The following PLAGL1 variants were observed in gnomAD, a reference collection of about 807,000 sequenced individuals.
PLAGL1 encodes the protein PLAG1 like zinc finger 1.
Under a neutral mutation model 4.6 loss-of-function variants are expected in PLAGL1, and 1 was observed. The observed-to-expected ratio is 0.22, with a 90% CI of 0.08 to 1.03. The LOEUF (loss-of-function observed/expected upper bound fraction) is 1.03. PLAGL1 is among the 50% of genes least tolerant of loss of function. The pLI, the probability that PLAGL1 is intolerant of heterozygous loss-of-function variation, is 0.58. For synonymous variants in PLAGL1, 240 were observed against 237.8 expected (o/e 1.01, Z -0.08); for missense variants, 464 against 570.4 (o/e 0.81, Z 1.90).
rs1301244086 is a variant in PLAGL1, at chr6:143,983,871, GA to G, written c.-544+1263del. Among the ~76,000 whole-genome samples, 1 of 152,056 alleles carries G rather than the reference GA, an allele frequency of 6.6e-6. No homozygotes were observed. The highest frequency in any genetic ancestry group is 2.4e-5 in the African/African-American group (1 of 41,402). On this transcript the variant is annotated intron_variant, in intron 2 of 7. Transcript: ENST00000674357. The surrounding 1 kb of genome is among the most constrained non-coding windows in gnomAD (Gnocchi z 6.6). ...CTAGGCCCACAGTATGACTATGGGAGAAAGTTGCTAATGTGGTTTGGAAGAC... is the reference window on the plus strand; with the variant it reads ...CTAGGCCCACAGTATGACTATGGGAGAAGTTGCTAATGTGGTTTGGAAGAC...
upstream of PLAGL1, among the ~76,000 whole-genome samples, chr6:144,013,323 C>T (rs1278776122): frequency 6.6e-6 from 1 of 152,042 alleles, no homozygotes; most frequent in Non-Finnish European, 1.5e-5. This position sits in a 1 kb window ranked among gnomAD's most constrained non-coding sequence, Gnocchi z 4.4. Flanking sequence ...CATGGGCAGA[C>T]AATCATACAG....
At position 143,947,817 on chromosome 6, in the gene PLAGL1, G is replaced by A. The variant is rs2076683; in HGVS notation, c.152+168C>T. 3.3e-5 allele frequency among the ~76,000 whole-genome samples: 5 copies of A among 151,970 alleles called. No homozygotes were observed. The highest frequency in any genetic ancestry group is 1.2e-4 in the African/African-American group (5 of 41,354). On this transcript the variant is annotated intron_variant, in intron 7 of 7. Transcript: ENST00000674357. The surrounding 1 kb of genome is among the most constrained non-coding windows in gnomAD (Gnocchi z 4.3). ...ATGAACTGACACTGCACAACAAGAC[G>A]GTCACATAAAACCACAGGAATCACT...
rs1017590949 is a variant in PLAGL1 at position 143,990,152 on chromosome 6, C to T, written c.-583-4978G>A. Among the ~76,000 whole-genome samples the T allele has an allele frequency of 9.3e-5, 14 of 151,296 alleles. No homozygotes were observed. The highest frequency in any genetic ancestry group is 5.9e-4 in the Admixed American group (9 of 15,208). On this transcript the variant is annotated intron_variant, in intron 1 of 7. Coordinates refer to ENST00000674357, the MANE Select transcript of PLAGL1 (RefSeq NM_001317162.2). This position sits in a 1 kb window ranked among gnomAD's most constrained non-coding sequence, Gnocchi z 5.4. ...TTTTTTCTTTTTTGAGATGGAGTCT[C>T]GCTCTGTTGCCAGACTGGAGTGCAG...
chr6:144,040,663 G>C (rs188592023), intron 1 of PLAGL1, among the ~76,000 whole-genome samples: 2 of 152,312 alleles, frequency 1.3e-5, no homozygotes, highest in Non-Finnish European at 2.9e-5. Context: ...GATCACTTGA[G>C]GCCAGGAGTT....
intron 1 of PLAGL1, among the ~76,000 whole-genome samples, chr6:143,996,015 C>A (rs558893852): frequency 2.6e-4 from 39 of 152,254 alleles, no homozygotes; most frequent in Admixed American, 1.7e-3. Flanking sequence ...ACGGTTTAAC[C>A]TGGTCACCCT....
rs1783557249 is a variant in PLAGL1, at chr6:143,962,346, T to C, written c.-398-1804A>G. On this transcript the variant is annotated intron_variant, in intron 5 of 7. Transcript: ENST00000674357. This position sits in a 1 kb window ranked among gnomAD's most constrained non-coding sequence, Gnocchi z 5.3. ...AAAAAGGGTTTTCATACGTCAATTA[T>C]TCTTTTTTAAGTATGTGGTTAAAAA... Among the ~76,000 whole-genome samples the C allele has an allele frequency of 6.6e-6, 1 of 152,262 alleles. No individual in the cohort carries two copies. The highest frequency in any genetic ancestry group is 2.1e-4 in the South Asian group (1 of 4,836).
chr6:143,981,508 C>T (rs1455865701), intron 2 of PLAGL1, among the ~76,000 whole-genome samples: 2 of 152,288 alleles, frequency 1.3e-5, no homozygotes, highest in Non-Finnish European at 2.9e-5. Flanking sequence ...ATCATCTCAA[C>T]CTAGGATAAG....
intron 1 of PLAGL1, among the ~76,000 whole-genome samples, chr6:143,996,605 T>C (rs1791666314): frequency 2.1e-5 from 3 of 143,968 alleles, no homozygotes; most frequent in Admixed American, 7.0e-5. Context: ...CAGAGTCTTA[T>C]TTATTCCCTT....
chr6:143,976,412 G>A (rs913488456), intron 2 of PLAGL1, among the ~76,000 whole-genome samples: 5 of 150,212 alleles, frequency 3.3e-5, no homozygotes, highest in Non-Finnish European at 7.4e-5. Context: ...TTCATCCAAG[G>A]CCTTGATATT....
At chr6:144,030,281 A>AAAAAAGAAG (rs1296064916) in intron 1 of PLAGL1, among the ~76,000 whole-genome samples, 2 of 132,900 alleles carry the variant, frequency 1.5e-5, no homozygotes, top group African/African-American at 6.3e-5. Context: ...AAAAAAAAAA[A>AAAAAAGAAG]AAGAAGATGT....
rs571302089 is a variant in PLAGL1 at position 143,956,013 on chromosome 6, C to T, written c.-325+4456G>A. Among the ~76,000 whole-genome samples the T allele has an allele frequency of 2.4e-3, 366 of 152,280 alleles. 4 individuals are homozygous for T. Among genetic ancestry groups the T allele is most frequent in the Non-Finnish European group, 3.8e-3 (259 of 68,032 alleles). On this transcript the variant is annotated intron_variant, in intron 6 of 7. Coordinates refer to ENST00000674357, the MANE Select transcript of PLAGL1 (RefSeq NM_001317162.2). ...TTAGACATGCTGGGCTTAATGGTGC[C>T]TAATGGGCATTCGGGCCAGCAAGGA...
rs191769348 is a variant in PLAGL1, at chr6:143,952,566, C to T, written c.-324-4106G>A. ...ATTTTGGGGATGAGAGAGGATCAGA[C>T]GGGAAGAAGAACATATATATATGGT... On this transcript the variant is annotated intron_variant, in intron 6 of 7. Coordinates refer to ENST00000674357, the MANE Select transcript of PLAGL1 (RefSeq NM_001317162.2). This position sits in a 1 kb window ranked among gnomAD's most constrained non-coding sequence, Gnocchi z 6.1. 1.8e-4 allele frequency among the ~76,000 whole-genome samples: 27 copies of T among 152,122 alleles called. No homozygotes were observed. The highest frequency in any genetic ancestry group is 4.3e-4 in the African/African-American group (18 of 41,478).
rs946523217 is a variant in PLAGL1 at position 143,964,740 on chromosome 6, T to C, written c.-399+47A>G. On this transcript the variant is annotated intron_variant, in intron 5 of 7. Transcript: ENST00000674357. The surrounding 1 kb of genome is among the most constrained non-coding windows in gnomAD (Gnocchi z 4.3). The stretch of plus-strand genomic sequence containing the variant: ...TTATGCTTTAAACCCCTGAGGCAGA[T>C]AGAGAAGGAAGGAAGGAAACAAGGG... 6.6e-6 allele frequency: 1 copy of C among 152,066 alleles called. No individual in the cohort carries two copies. Among genetic ancestry groups the C allele is most frequent in the Non-Finnish European group, 1.5e-5 (1 of 68,068 alleles). 9.4% of individuals were successfully genotyped at this position (152,066 alleles called of 1,614,324 possible). A position where few individuals can be genotyped will look rare whatever the true frequency, so the allele number is the denominator to read the frequency against.
intron 1 of PLAGL1, among the ~76,000 whole-genome samples, chr6:144,023,767 GCT>G (rs1796137125): frequency 2.8e-5 from 3 of 105,978 alleles, no homozygotes; most frequent in South Asian, 3.1e-4. Context: ...CTCATATTTA[GCT>G]TTTTTTTTTT....
At chr6:143,999,496 AT>A (rs1315057979) in intron 1 of PLAGL1, among the ~76,000 whole-genome samples, 2 of 152,180 alleles carry the variant, frequency 1.3e-5, no homozygotes, top group African/African-American at 2.4e-5. Flanking sequence ...TTTAGTGACC[AT>A]TTTCCACAAT....
Position 144,050,971 on chromosome 6 carries a change from A to T in PLAGL1, c.-151+13497T>A, listed in dbSNP as rs1762100139. Reference sequence around the variant, plus strand: ...TTATTACCAATAATATCTTCAGGCAAAATCTGCTGACAAACATTTATAAAT... The same window carrying T: ...TTATTACCAATAATATCTTCAGGCATAATCTGCTGACAAACATTTATAAAT... On this transcript the variant is annotated intron_variant, in intron 1 of 3. Transcript: ENST00000437412. The surrounding 1 kb of genome is among the most constrained non-coding windows in gnomAD (Gnocchi z 4.3). Among the ~76,000 whole-genome samples, 1 of 152,244 alleles carries T rather than the reference A, an allele frequency of 6.6e-6. No individual in the cohort carries two copies. Among genetic ancestry groups the T allele is most frequent in the African/African-American group, 2.4e-5 (1 of 41,458 alleles).
Position 144,059,077 on chromosome 6 carries a change from A to G in PLAGL1, c.-151+5391T>C, listed in dbSNP as rs1799200701. On this transcript the variant is annotated intron_variant, in intron 1 of 3. Transcript: ENST00000437412. This position sits in a 1 kb window ranked among gnomAD's most constrained non-coding sequence, Gnocchi z 4.9. ...TTCTCTTCAGGGTCTCCACCCCTAC[A>G]GCAGGCTTCTGCCTGTACACTCAGG... Among the ~76,000 whole-genome samples the G allele has an allele frequency of 6.6e-6, 1 of 152,202 alleles. No homozygotes were observed. Among genetic ancestry groups the G allele is most frequent in the African/African-American group, 2.4e-5 (1 of 41,444 alleles).
chr6:144,059,042 C>G lies in PLAGL1; in HGVS notation c.-151+5426G>C, dbSNP rs1799196103. On this transcript the variant is annotated intron_variant, in intron 1 of 3. Coordinates refer to the PLAGL1 transcript ENST00000437412. The surrounding 1 kb of genome is among the most constrained non-coding windows in gnomAD (Gnocchi z 4.9). Reference sequence around the variant, plus strand: ...CCCCACATTTTCCCTCTACATTGCCCTACTAGAGTTTCTCTTCAGGGTCTC... The same window carrying G: ...CCCCACATTTTCCCTCTACATTGCCGTACTAGAGTTTCTCTTCAGGGTCTC... Among the ~76,000 whole-genome samples, 1 of 152,212 alleles carries G rather than the reference C, an allele frequency of 6.6e-6. No homozygotes were observed. The highest frequency in any genetic ancestry group is 6.5e-5 in the Admixed American group (1 of 15,288).
chr6:143,951,176 G>A (rs1380922878), intron 6 of PLAGL1, among the ~76,000 whole-genome samples: 1 of 152,206 alleles, frequency 6.6e-6, no homozygotes, highest in Non-Finnish European at 1.5e-5. Flanking sequence ...TAAACAGGCT[G>A]CTGGGACAAT....
Sources: allele counts gnomAD v4.1 joint callset (sites outside exome capture counted in the v4.1 genomes callset), GRCh38; gene constraint gnomAD v4.1.1; non-coding constraint Gnocchi (gnomAD v3.1); transcripts MANE v1.5; gene names NCBI Gene and HGNC (gene_info 2026-07-23, HGNC 2026-07-21).